Variants in TBC1D22A observed in about 807,000 individuals in gnomAD.
The protein encoded by TBC1D22A is putative GTPase activator.
Under a neutral mutation model 60.2 loss-of-function variants are expected in TBC1D22A, and 38 were observed. The ratio of observed to expected loss-of-function variants is 0.63; its 90% CI spans 0.49 to 0.83. The LOEUF (loss-of-function observed/expected upper bound fraction) is 0.83. TBC1D22A is among the 40% of genes least tolerant of loss of function. TBC1D22A has a pLI of 0.00. For missense variants in TBC1D22A, 628 were observed against 701.0 expected, an observed-to-expected ratio of 0.90 and a Z score of 1.18; for synonymous variants, 302 against 281.7, an observed-to-expected ratio of 1.07 and a Z score of -0.72.
intron 12 of TBC1D22A, among the ~76,000 whole-genome samples, chr22:47,114,055 C>T (rs747123941): frequency 9.2e-5 from 14 of 152,156 alleles, no homozygotes; most frequent in Non-Finnish European, 1.5e-4. Flanking sequence ...CTCACCCTGC[C>T]GCAGCTCATT....
At position 47,165,764 on chromosome 22, in the gene TBC1D22A, C is replaced by T. The variant is rs371239460; in HGVS notation, c.1426-7734C>T. Among the ~76,000 whole-genome samples, 300 of 152,232 alleles carry T rather than the reference C, an allele frequency of 2.0e-3. 2 individuals carry two copies. The highest frequency in any genetic ancestry group is 6.8e-3 in the African/African-American group (282 of 41,542). On this transcript the variant is annotated intron_variant, in intron 12 of 12. Transcript: ENST00000337137. ...AATGTCATGCTGCTGCCCTGCCCCC[C>T]GGACCCCGGGGGTCCTCAGCGGCCT...
intron 12 of TBC1D22A, among the ~76,000 whole-genome samples, chr22:47,158,206 G>A (rs764276119): frequency 7.2e-5 from 11 of 152,200 alleles, no homozygotes; most frequent in African/African-American, 2.4e-4. Context: ...AGCACTCAGC[G>A]TTTGCATGCT....
At chr22:46,789,554 T>C (rs1168167668) in intron 1 of TBC1D22A, 1 of 170,986 alleles carries the variant, frequency 5.8e-6, no homozygotes, top group Non-Finnish European at 1.3e-5. Context: ...AGAGTCAGTA[T>C]CAAAAAAATG....
chr22:46,951,426 A>G (rs535115927), intron 8 of TBC1D22A, among the ~76,000 whole-genome samples: 15 of 152,300 alleles, frequency 9.8e-5, no homozygotes, highest in African/African-American at 3.6e-4. Context: ...TGTGTTATGC[A>G]TTTTCAAAGA....
intron 1 of TBC1D22A, among the ~76,000 whole-genome samples, chr22:46,774,434 T>A (rs2083613690): frequency 6.6e-6 from 1 of 152,258 alleles, no homozygotes; most frequent in Non-Finnish European, 1.5e-5. Flanking sequence ...GTGATAAACA[T>A]GGAAATTCCA....
chr22:47,129,409 G>A (rs1413236975), intron 12 of TBC1D22A, among the ~76,000 whole-genome samples: 13 of 152,330 alleles, frequency 8.5e-5, no homozygotes, highest in African/African-American at 2.9e-4. Context: ...CCTGGGAGGC[G>A]GAGGTTGCAG....
At chr22:47,006,010 A>T (rs924721242) in intron 10 of TBC1D22A, among the ~76,000 whole-genome samples, 1 of 151,920 alleles carries the variant, frequency 6.6e-6, no homozygotes, top group African/African-American at 2.4e-5. Context: ...GTGCCTATAC[A>T]TGCACAAACA....
intron 1 of TBC1D22A, among the ~76,000 whole-genome samples, chr22:46,769,494 T>G (rs1819279787): frequency 6.6e-6 from 1 of 151,922 alleles, no homozygotes; most frequent in African/African-American, 2.4e-5. Flanking sequence ...CCTGGCAGAG[T>G]AGCAAGGCCC....
chr22:46,995,828 A>G (rs1388259712), intron 9 of TBC1D22A, among the ~76,000 whole-genome samples: 3 of 152,022 alleles, frequency 2.0e-5, no homozygotes, highest in African/African-American at 7.2e-5. Context: ...CACCTCGAGG[A>G]ACCTCTCTGT....
intron 10 of TBC1D22A, among the ~76,000 whole-genome samples, chr22:47,033,591 C>G (rs1243481411): frequency 6.6e-6 from 1 of 152,104 alleles, no homozygotes; most frequent in Non-Finnish European, 1.5e-5. Context: ...GCACTTATGC[C>G]CCTTTCGTGA....
chr22:46,787,176 C>G (rs372653789), intron 1 of TBC1D22A, among the ~76,000 whole-genome samples: 1 of 152,146 alleles, frequency 6.6e-6, no homozygotes, highest in African/African-American at 2.4e-5. Flanking sequence ...AATGTCTTTT[C>G]CATCATGTCT....
At chr22:47,161,580 G>C (rs761739) in intron 12 of TBC1D22A, among the ~76,000 whole-genome samples, 101,354 of 152,210 alleles carry the variant, frequency 0.67, 34,483 homozygotes, top group African/African-American at 0.79. Context: ...CAGAAAGCAT[G>C]ATTCAGGGAC....
At chr22:47,068,402 C>T (rs540468962) in intron 11 of TBC1D22A, among the ~76,000 whole-genome samples, 5 of 152,304 alleles carry the variant, frequency 3.3e-5, no homozygotes, top group South Asian at 2.1e-4. Flanking sequence ...CTCTGAAGTC[C>T]GTGTGTCAGT....
chr22:46,800,795 A>G (rs12168703), intron 4 of TBC1D22A, among the ~76,000 whole-genome samples: 1,548 of 152,254 alleles, frequency 0.01, 21 homozygotes, highest in African/African-American at 0.035. Flanking sequence ...TTTTTGTGCT[A>G]TTGACGTATA....
intron 8 of TBC1D22A, among the ~76,000 whole-genome samples, chr22:46,941,206 TATAC>T (rs2072020045): frequency 1.8e-5 from 1 of 55,786 alleles, no homozygotes; most frequent in African/African-American, 9.0e-5. Flanking sequence ...TGTATATATG[TATAC>T]ACACACACAC....
intron 11 of TBC1D22A, among the ~76,000 whole-genome samples, chr22:47,097,465 T>G (rs1371683185): frequency 2.0e-5 from 3 of 151,956 alleles, no homozygotes; most frequent in Non-Finnish European, 4.4e-5. Flanking sequence ...AATACAAAAA[T>G]TAGCCGGGCG....
intron 12 of TBC1D22A, among the ~76,000 whole-genome samples, chr22:47,157,661 G>A (rs1361688476): frequency 3.3e-5 from 5 of 152,206 alleles, no homozygotes; most frequent in Admixed American, 2.0e-4. Flanking sequence ...TGCCCTTTCC[G>A]GTTCTGGTTC....
chr22:46,826,128 A>G (rs561694864), intron 4 of TBC1D22A, among the ~76,000 whole-genome samples: 382 of 151,698 alleles, frequency 2.5e-3, no homozygotes, highest in Non-Finnish European at 3.9e-3. Context: ...TGATCCGCCC[A>G]CCTTGGCCTC....
At chr22:46,813,682 C>T (rs978063696) in intron 4 of TBC1D22A, among the ~76,000 whole-genome samples, 1 of 152,126 alleles carries the variant, frequency 6.6e-6, no homozygotes, top group Non-Finnish European at 1.5e-5. Flanking sequence ...TCAGAAGTTC[C>T]GTGGAAACAC....
Sources: gnomAD v4.1 joint callset for allele counts (sites outside exome capture counted in the v4.1 genomes callset) on GRCh38, gnomAD v4.1.1 for gene constraint, MANE v1.5 for transcripts, NCBI Gene and HGNC (gene_info 2026-07-23, HGNC 2026-07-21) for gene names.